SLC25A13: variants seen among roughly 807,000 people sequenced by gnomAD.
SLC25A13 encodes the protein solute carrier family 25 member 13.
In SLC25A13, 70 loss-of-function variants were observed where a neutral mutation model predicts 85.5. That is an observed-to-expected ratio of 0.82 (90% confidence interval 0.68 to 1.00). The LOEUF (loss-of-function observed/expected upper bound fraction) is 1.00. SLC25A13 is among the 50% of genes least tolerant of loss of function. The pLI is 0.00. For missense variants in SLC25A13, 765 were observed against 819.8 expected (o/e 0.93, Z 0.82); for synonymous variants, 259 against 288.7 (o/e 0.90, Z 1.04).
At chr7:96,132,043 GTAATAAATCTAAACTTTGT>G (rs1279679991) in intron 14 of SLC25A13, among the ~76,000 whole-genome samples, 162 bp from the exon 15 acceptor site, 2 of 152,226 alleles carry the variant, frequency 1.3e-5, no homozygotes, top group Non-Finnish European at 2.9e-5. Flanking sequence ...AATTCTGCAA[GTAATAAATCTAAACTTTGT>G]TTTTAAAACA....
intron 3 of SLC25A13, among the ~76,000 whole-genome samples, chr7:96,273,320 CAAAA>C (rs894821740): frequency 1.3e-5 from 2 of 151,500 alleles, no homozygotes; most frequent in Admixed American, 1.3e-4. Context: ...AATCAAAAAA[CAAAA>C]AAAGAAAGAA....
chr7:96,128,159 T>A (rs149321246), intron 15 of SLC25A13, among the ~76,000 whole-genome samples: 110 of 152,354 alleles, frequency 7.2e-4, no homozygotes, highest in African/African-American at 2.5e-3. Context: ...ATGTTTATTT[T>A]ATAACAAAAT....
intron 3 of SLC25A13, among the ~76,000 whole-genome samples, chr7:96,257,579 T>C (rs887097333): frequency 1.3e-5 from 2 of 152,136 alleles, no homozygotes; most frequent in African/African-American, 4.8e-5. Flanking sequence ...ATTAATAGCC[T>C]ACTAACCAAA....
At position 96,216,551 on chromosome 7, in the gene SLC25A13, T is replaced by C. The variant is rs556218177; in HGVS notation, c.329-7574A>G. On this transcript the variant is annotated intron_variant, in intron 4 of 17. Coordinates refer to ENST00000265631, the MANE Select transcript of SLC25A13 (RefSeq NM_014251.3). The stretch of plus-strand genomic sequence containing the variant: ...AAAAAAATGTGGTATATATACACCA[T>C]GGAGTACTATGCAGCCATAAAAAAG... Among the ~76,000 whole-genome samples the C allele has an allele frequency of 2.6e-5, 4 of 152,296 alleles. No homozygotes were observed. In the East Asian group the frequency reaches 5.8e-4, roughly 22 times the overall value.
intron 15 of SLC25A13, among the ~76,000 whole-genome samples, chr7:96,124,242 ATATT>A (rs1395584158): frequency 6.6e-6 from 1 of 152,232 alleles, no homozygotes; most frequent in Non-Finnish European, 1.5e-5. Flanking sequence ...TATCCCATTT[ATATT>A]TATAAGGAAA....
intron 1 of SLC25A13, chr7:96,309,782 C>G (rs1263566996): frequency 6.6e-6 from 1 of 152,150 alleles, no homozygotes; most frequent in African/African-American, 2.4e-5. Context: ...TTAAATGATT[C>G]AATAACTGTT....
intron 3 of SLC25A13, among the ~76,000 whole-genome samples, chr7:96,245,460 A>G (rs1341514941): frequency 6.6e-6 from 1 of 152,208 alleles, no homozygotes; most frequent in Non-Finnish European, 1.5e-5. Flanking sequence ...TTTTAAAACT[A>G]GAGACAAATC....
intron 5 of SLC25A13, among the ~76,000 whole-genome samples, chr7:96,200,910 G>T (rs935038732): frequency 2.0e-5 from 3 of 152,168 alleles, no homozygotes; most frequent in African/African-American, 7.2e-5. Context: ...AGAGTAGAAA[G>T]TGTGTGCTGT....
intron 14 of SLC25A13, among the ~76,000 whole-genome samples, chr7:96,139,545 T>G (rs1283502304): frequency 6.6e-6 from 1 of 152,182 alleles, no homozygotes; most frequent in African/African-American, 2.4e-5. Flanking sequence ...TTTCTAAAAA[T>G]CCTTCCTTAA....
At chr7:96,183,890 G>A (rs975733689) in intron 11 of SLC25A13, among the ~76,000 whole-genome samples, 12 of 152,124 alleles carry the variant, frequency 7.9e-5, no homozygotes, top group Non-Finnish European at 1.8e-4. Flanking sequence ...TATCTTTTTT[G>A]TGGTGTATTC....
At chr7:96,207,715 G>A (rs1584456531) in intron 5 of SLC25A13, among the ~76,000 whole-genome samples, 1 of 152,140 alleles carries the variant, frequency 6.6e-6, no homozygotes, top group East Asian at 1.9e-4. Flanking sequence ...GCTGCTGAAG[G>A]AAAACTAAGT....
rs1799300711 is a variant in SLC25A13, at chr7:96,295,191, T to C, written c.69+1707A>G. ...GATCAACATGGTGAAACCCCGTCTC[T>C]ACTAAAAACACAAAATTAGCCGGGT... On this transcript the variant is annotated intron_variant, in intron 2 of 17. Transcript: ENST00000265631. Among the ~76,000 whole-genome samples, 3 of 152,136 alleles carry C rather than the reference T, an allele frequency of 2.0e-5. No homozygotes were observed. The South Asian group carries it at 6.2e-4, about 32-fold the overall frequency.
At position 96,121,880 on chromosome 7, in the gene SLC25A13, A is replaced by G; in HGVS notation, c.1709T>C (p.Leu570Pro). ...CAGAGCTTTTGGTCCTTCTTCACGCAGTATCTTTCTAAAGCAGTCTATCAC... is the reference window on the plus strand; with the variant it reads ...CAGAGCTTTTGGTCCTTCTTCACGCGGTATCTTTCTAAAGCAGTCTATCAC... ...SGVIDCFRKI[L>P]REEGPKALWK... Residue 570 changes from leucine to proline, a missense_variant, in exon 16 of 18, where the codon CTG becomes CCG. Transcript: ENST00000265631. 1 of 1,614,190 alleles carries G rather than the reference A, an allele frequency of 6.2e-7. No individual in the cohort carries two copies. Among genetic ancestry groups the G allele is most frequent in the East Asian group, 2.2e-5 (1 of 44,882 alleles).
intron 5 of SLC25A13, among the ~76,000 whole-genome samples, chr7:96,206,948 G>A (rs1795486173): frequency 6.6e-6 from 1 of 152,160 alleles, no homozygotes; most frequent in Admixed American, 6.5e-5. Flanking sequence ...TAATTAGGCT[G>A]TGTTCCATAA....
At chr7:96,141,852 C>T (rs1584364231) in intron 14 of SLC25A13, among the ~76,000 whole-genome samples, 1 of 152,268 alleles carries the variant, frequency 6.6e-6, no homozygotes, top group Non-Finnish European at 1.5e-5. Context: ...CTAAAAAGTG[C>T]ACATGTCCTT....
chr7:96,308,281 C>G (rs1799833143), intron 1 of SLC25A13, among the ~76,000 whole-genome samples: 1 of 152,128 alleles, frequency 6.6e-6, no homozygotes, highest in African/African-American at 2.4e-5. Flanking sequence ...TTGAGACAAT[C>G]TAGCAGCGCC....
chr7:96,204,493 T>C (rs1795383960), intron 5 of SLC25A13, among the ~76,000 whole-genome samples: 1 of 151,716 alleles, frequency 6.6e-6, no homozygotes, highest in South Asian at 2.1e-4. Flanking sequence ...CGAGCGCTAA[T>C]GCACCACTGC....
intron 3 of SLC25A13, among the ~76,000 whole-genome samples, chr7:96,249,203 T>C (rs1250829880): frequency 6.6e-6 from 1 of 152,232 alleles, no homozygotes; most frequent in Non-Finnish European, 1.5e-5. Context: ...GTAGCATTTC[T>C]AGATTTTACT....
chr7:96,185,078 T>A (rs1794579528), intron 9 of SLC25A13, 67 bp from the exon 10 acceptor site: 2 of 1,279,580 alleles, frequency 1.6e-6, no homozygotes, highest in African/African-American at 3.0e-5. Context: ...AAAACAAAAA[T>A]GACCATACAT....
Sources: allele counts gnomAD v4.1 joint callset (sites outside exome capture counted in the v4.1 genomes callset), GRCh38; gene constraint gnomAD v4.1.1; transcripts MANE v1.5; gene names NCBI Gene and HGNC (gene_info 2026-07-23, HGNC 2026-07-21).